The following LRRC69 variants were observed in gnomAD, a reference collection of about 807,000 sequenced individuals.
LRRC69 encodes leucine-rich repeat-containing protein 69.
Under a neutral mutation model 37.8 loss-of-function variants are expected in LRRC69, and 42 were observed. That is an observed-to-expected ratio of 1.11 (90% CI 0.87 to 1.44). The LOEUF (loss-of-function observed/expected upper bound fraction) is 1.44. Ranked by LOEUF, LRRC69 falls within the 40% of genes most tolerant of loss-of-function variation. The pLI is 0.00. For missense variants in LRRC69, 357 were observed against 401.9 expected, an observed-to-expected ratio of 0.89 and a Z score of 0.96; for synonymous variants, 141 against 143.1, an observed-to-expected ratio of 0.99 and a Z score of 0.11.
At chr8:91,185,017 A>C (rs1287124127) in intron 5 of LRRC69, among the ~76,000 whole-genome samples, 10 of 152,132 alleles carry the variant, frequency 6.6e-5, no homozygotes. Context: ...TATGATTTGC[A>C]TTGTAAAGCA....
intron 1 of LRRC69, among the ~76,000 whole-genome samples, chr8:91,103,651 G>C (rs1813259560): frequency 6.6e-6 from 1 of 151,946 alleles, no homozygotes; most frequent in South Asian, 2.1e-4. Flanking sequence ...AAATAAATCT[G>C]TATTTTCTTA....
At chr8:91,182,462 AACTGTTG>A (rs1300149268) in intron 5 of LRRC69, among the ~76,000 whole-genome samples, 1 of 152,212 alleles carries the variant, frequency 6.6e-6, no homozygotes, top group Non-Finnish European at 1.5e-5. Flanking sequence ...TAATGGTTGA[AACTGTTG>A]ACTACGTACT....
chr8:91,188,847 T>A (rs2130608971), intron 5 of LRRC69, among the ~76,000 whole-genome samples: 1 of 151,960 alleles, frequency 6.6e-6, no homozygotes, highest in South Asian at 2.1e-4. Context: ...TTTTTTTTTT[T>A]TTTCCCCTCA....
At chr8:91,157,274 T>G in intron 5 of LRRC69, 1 of 1,584,322 alleles carries the variant, frequency 6.3e-7, no homozygotes, top group Non-Finnish European at 8.7e-7. Context: ...AATGTGACCT[T>G]TCTCACAGGT....
At chr8:91,197,108 G>A (rs1809618298) in intron 6 of LRRC69, among the ~76,000 whole-genome samples, 1 of 152,090 alleles carries the variant, frequency 6.6e-6, no homozygotes, top group South Asian at 2.1e-4. Context: ...GCGGTGTGAG[G>A]TGTCAGTGTG....
intron 7 of LRRC69, among the ~76,000 whole-genome samples, chr8:91,204,663 C>G: frequency 6.6e-6 from 1 of 152,206 alleles, no homozygotes; most frequent in East Asian, 1.9e-4. Flanking sequence ...CCATGGCCTC[C>G]CCAGGGACAA....
rs186770509 is a variant in LRRC69, at chr8:91,157,184, C to T, written c.651+21445C>T. On this transcript the variant is annotated intron_variant, in intron 5 of 7. Coordinates refer to ENST00000448384, the Ensembl canonical transcript of LRRC69. ...ATTGGTATTTTGATAGGGATTGCTT[C>T]GAATCTGTAGATTGCTTTGTGTAAT... The T allele has an allele frequency of 8.3e-5, 70 of 845,112 alleles. 1 individual carries two copies. In the East Asian group the frequency reaches 1.4e-3, roughly 17 times the overall value. 52.4% of individuals were successfully genotyped at this position (845,112 alleles called of 1,614,324 possible). A position where few individuals can be genotyped will look rare whatever the true frequency, so the allele number is the denominator to read the frequency against.
chr8:91,131,534 C>G (rs1209656049), intron 3 of LRRC69, among the ~76,000 whole-genome samples: 3 of 151,900 alleles, frequency 2.0e-5, no homozygotes, highest in African/African-American at 7.2e-5. Context: ...TTTACATTCT[C>G]TCATTCATAA....
intron 5 of LRRC69, among the ~76,000 whole-genome samples, chr8:91,168,551 T>C (rs993296748): frequency 3.3e-5 from 5 of 152,022 alleles, no homozygotes; most frequent in Admixed American, 2.6e-4. Flanking sequence ...CTGAATTTGA[T>C]TGAGAATTAG....
At chr8:91,183,669 C>A (rs1809359701) in intron 5 of LRRC69, among the ~76,000 whole-genome samples, 1 of 151,482 alleles carries the variant, frequency 6.6e-6, no homozygotes, top group African/African-American at 2.4e-5. Context: ...CTCTGGGGAG[C>A]ACTATTTCAT....
chr8:91,188,450 C>T (rs1306680705), intron 5 of LRRC69, among the ~76,000 whole-genome samples: 1 of 152,174 alleles, frequency 6.6e-6, no homozygotes, highest in African/African-American at 2.4e-5. Flanking sequence ...ACTCTGTGTT[C>T]AGTGACTTGA....
At chr8:91,171,331 T>C (rs1809127541) in intron 5 of LRRC69, among the ~76,000 whole-genome samples, 1 of 151,984 alleles carries the variant, frequency 6.6e-6, no homozygotes, top group South Asian at 2.1e-4. Context: ...ATTGTCAGAG[T>C]TGAGCTTCGG....
chr8:91,133,467 A>G (rs960047599), intron 4 of LRRC69, 162 bp downstream of exon 4: 27 of 499,956 alleles, frequency 5.4e-5, no homozygotes, highest in Non-Finnish European at 8.8e-5. Context: ...GAAGAAGGCT[A>G]TAATTTGAAT....
chr8:91,143,243 G>A (rs532785902), intron 5 of LRRC69, among the ~76,000 whole-genome samples: 1 of 152,078 alleles, frequency 6.6e-6, no homozygotes, highest in Non-Finnish European at 1.5e-5. Flanking sequence ...TGTTACTTTC[G>A]TTTCTGAGTT....
chr8:91,216,539 T>C (rs1810051271), intron 7 of LRRC69, among the ~76,000 whole-genome samples: 2 of 152,132 alleles, frequency 1.3e-5, no homozygotes, highest in Non-Finnish European at 2.9e-5. Context: ...GGAAAATGTA[T>C]GTAGCATGTT....
At chr8:91,197,666 C>T (rs1033141016) in intron 6 of LRRC69, among the ~76,000 whole-genome samples, 3 of 152,182 alleles carry the variant, frequency 2.0e-5, no homozygotes, top group Non-Finnish European at 4.4e-5. Flanking sequence ...ACCCCTTGCG[C>T]TTCCCGAGTG....
chr8:91,178,883 T>C (rs1391108703), intron 5 of LRRC69, among the ~76,000 whole-genome samples: 4 of 152,208 alleles, frequency 2.6e-5, no homozygotes, highest in African/African-American at 7.2e-5. Context: ...CCTGGATGTT[T>C]ATGTGTACAC....
At chr8:91,186,668 GA>G (rs1468171513) in intron 5 of LRRC69, among the ~76,000 whole-genome samples, 1 of 152,112 alleles carries the variant, frequency 6.6e-6, no homozygotes, top group African/African-American at 2.4e-5. Context: ...TTTCCTTTCA[GA>G]AAACCATTTC....
intron 5 of LRRC69, among the ~76,000 whole-genome samples, chr8:91,172,005 A>G (rs1305840678): frequency 2.6e-5 from 4 of 151,848 alleles, no homozygotes; most frequent in African/African-American, 9.7e-5. Context: ...TATTATTAGT[A>G]TTATCATACA....
Sources: gnomAD v4.1 joint callset for allele counts (sites outside exome capture counted in the v4.1 genomes callset) on GRCh38, gnomAD v4.1.1 for gene constraint, MANE v1.5 for transcripts, NCBI Gene and HGNC (gene_info 2026-07-23, HGNC 2026-07-21) for gene names.